RANBP3: variants seen among roughly 807,000 people sequenced by gnomAD.
The protein encoded by RANBP3 is ran-binding protein 3.
In RANBP3, 14 loss-of-function variants were observed where a neutral mutation model predicts 77.3. The ratio of observed to expected loss-of-function variants is 0.18; its 90% confidence interval spans 0.12 to 0.28. RANBP3 has a LOEUF of 0.28. Among genes scored for constraint, RANBP3 ranks in the 10% least tolerant of loss-of-function variants. The probability of loss-of-function intolerance (pLI) is 1.00; values close to 1 mark genes in which losing one functional copy is unlikely to be tolerated. For missense variants in RANBP3, 586 were observed against 752.3 expected (o/e 0.78, Z 2.59); for synonymous variants, 315 against 312.4 (o/e 1.01, Z -0.09).
chr19:5,951,387 A>G lies in RANBP3; in HGVS notation c.282+6T>C. 6.4e-7 allele frequency: 1 copy of G among 1,550,976 alleles called. No homozygotes were observed. The highest frequency in any genetic ancestry group is 8.7e-7 in the Non-Finnish European group (1 of 1,146,872). On this transcript the variant is annotated splice_donor_region_variant and intron_variant, in intron 3 of 16. Coordinates refer to ENST00000340578, the MANE Select transcript of RANBP3 (RefSeq NM_007322.3). ...CGGTAGGAGTGCCGGGTAGGTGTGGACTTACCCCTGCCAGTTCTCGCGGAA... is the reference window on the plus strand; with the variant it reads ...CGGTAGGAGTGCCGGGTAGGTGTGGGCTTACCCCTGCCAGTTCTCGCGGAA...
At chr19:5,929,062 G>A (rs1401618295) in intron 8 of RANBP3, among the ~76,000 whole-genome samples, 2 of 152,182 alleles carry the variant, frequency 1.3e-5, no homozygotes, top group Non-Finnish European at 2.9e-5. Context: ...CTGGCTCAGC[G>A]TGTCCAGCGG....
rs1466832988 is a variant in RANBP3, at chr19:5,958,667, G to C, written c.23-694C>G. On this transcript the variant is annotated intron_variant, in intron 1 of 16. Coordinates refer to ENST00000340578, the MANE Select transcript of RANBP3 (RefSeq NM_007322.3). The surrounding 1 kb of genome is among the most constrained non-coding windows in gnomAD (Gnocchi z 4.4). ...CACAGCCCTGTGCCACTCAGCCCCG[G>C]AGTGGGTGGCAGCCCAGGAGGCCCT... Among the ~76,000 whole-genome samples, 1 of 152,226 alleles carries C rather than the reference G, an allele frequency of 6.6e-6. No individual in the cohort carries two copies. The highest frequency in any genetic ancestry group is 1.5e-5 in the Non-Finnish European group (1 of 68,040).
chr19:5,941,906 G>A (rs1041163569), intron 3 of RANBP3, 71 bp from the exon 4 acceptor site: 49 of 1,560,880 alleles, frequency 3.1e-5, no homozygotes, highest in Admixed American at 1.2e-4. Context: ...TCTCGGGGCC[G>A]TAACAAATAT....
At chr19:5,975,050 C>T (rs1264256401) in intron 1 of RANBP3, among the ~76,000 whole-genome samples, 11 of 152,224 alleles carry the variant, frequency 7.2e-5, no homozygotes, top group South Asian at 4.1e-4. Context: ...AGAACAAACA[C>T]GTGACCATGG....
chr19:5,962,708 G>A lies in RANBP3; in HGVS notation c.23-4735C>T, dbSNP rs1421671518. On this transcript the variant is annotated intron_variant, in intron 1 of 16. Transcript: ENST00000340578. ...GTAGAAATGAGCTTTAGTCACATCT[G>A]CACCCAAAACACAGAGCGTCAGTTA... is the stretch of plus-strand genomic sequence containing the variant. 6.6e-6 allele frequency: 3 copies of A among 456,040 alleles called. No homozygotes were observed. The Admixed American group carries it at 7.0e-5, about 11-fold the overall frequency. The allele number at this position is 456,040 out of a possible 1,614,324, so 28.2% of individuals were successfully genotyped here.
chr19:5,925,246 G>T (rs141415749), intron 10 of RANBP3: 202 of 475,208 alleles, frequency 4.3e-4, no homozygotes, highest in African/African-American at 3.6e-3. Flanking sequence ...TGTCAGTCAA[G>T]GACATGATGA....
chr19:5,945,344 T>C (rs2058190574), intron 3 of RANBP3, among the ~76,000 whole-genome samples: 1 of 152,248 alleles, frequency 6.6e-6, no homozygotes. Context: ...TCTAGGTTAA[T>C]TTCCACATGT....
chr19:5,953,741 G>C (rs2058301934), intron 2 of RANBP3, among the ~76,000 whole-genome samples: 1 of 152,146 alleles, frequency 6.6e-6, no homozygotes, highest in Admixed American at 6.5e-5. Flanking sequence ...TTTTGCCCCG[G>C]AAACAATGGT....
intron 9 of RANBP3, among the ~76,000 whole-genome samples, 199 bp from the exon 10 acceptor site, chr19:5,925,936 T>C (rs562166301): frequency 1.3e-5 from 2 of 152,224 alleles, no homozygotes; most frequent in East Asian, 1.9e-4. Flanking sequence ...CTTTAACAGT[T>C]AGGATGGAAA....
rs2057882393 is a variant in RANBP3 at position 5,924,963 on chromosome 19, T to C, written c.918-58A>G. ...TCACGTGGGAACGTGGCCAGGCAAATGTATGGGTACCCATGGAGCACACAC... is the reference window on the plus strand; with the variant it reads ...TCACGTGGGAACGTGGCCAGGCAAACGTATGGGTACCCATGGAGCACACAC... On this transcript the variant is annotated intron_variant, in intron 10 of 16. Transcript: ENST00000340578. The surrounding 1 kb of genome is among the most constrained non-coding windows in gnomAD (Gnocchi z 4.7). 1 of 1,471,338 alleles carries C rather than the reference T, an allele frequency of 6.8e-7. No homozygotes were observed. The highest frequency in any genetic ancestry group is 9.5e-7 in the Non-Finnish European group (1 of 1,050,508). The allele number at this position is 1,471,338 out of a possible 1,614,324, so 91.1% of individuals were successfully genotyped here.
chr19:5,943,359 A>C (rs907280573), intron 3 of RANBP3, among the ~76,000 whole-genome samples: 8 of 152,230 alleles, frequency 5.3e-5, no homozygotes, highest in African/African-American at 1.9e-4. Flanking sequence ...ACAGGAGCCA[A>C]GGCAGACCCC....
In RANBP3 at chr19:5,918,478, C is replaced by T. The variant is rs776813344; in HGVS notation, c.1473+18G>A. The T allele has an allele frequency of 1.8e-5, 29 of 1,597,106 alleles. No homozygotes were observed. In the South Asian group the frequency reaches 2.9e-4, roughly 16 times the overall value. On this transcript the variant is annotated intron_variant, in intron 15 of 16. Transcript: ENST00000340578. ...GGCAGGATGAGGGGTCCCAGATGCA[C>T]CCGCGTGGCTGGCTCACCGAGATCA...
intron 3 of RANBP3, among the ~76,000 whole-genome samples, chr19:5,949,850 C>G (rs1484831857): frequency 6.6e-6 from 1 of 152,184 alleles, no homozygotes; most frequent in East Asian, 1.9e-4. Flanking sequence ...ACGCAGGGCA[C>G]AGAACAGCGC....
intron 1 of RANBP3, chr19:5,974,558 G>A (rs1343733015): frequency 6.6e-6 from 1 of 152,114 alleles, no homozygotes; most frequent in Non-Finnish European, 1.5e-5. Flanking sequence ...CACTCAGGTG[G>A]ACTTTAAAAG....
chr19:5,928,104 C>T lies in RANBP3; in HGVS notation c.694-17G>A, dbSNP rs1422315365. ...CTCTTTCTCCTATCAAAAACCAAAA[C>T]AAAACAGAGTAATCAAAACCAGTGC... is the stretch of plus-strand genomic sequence containing the variant. On this transcript the variant is annotated splice_polypyrimidine_tract_variant and intron_variant, in intron 8 of 16. Coordinates refer to ENST00000340578, the MANE Select transcript of RANBP3 (RefSeq NM_007322.3). 1.1e-5 allele frequency: 18 copies of T among 1,605,156 alleles called. No homozygotes were observed. Among genetic ancestry groups the T allele is most frequent in the Non-Finnish European group, 1.4e-5 (17 of 1,177,222 alleles).
intron 1 of RANBP3, among the ~76,000 whole-genome samples, chr19:5,962,165 T>C (rs964365585): frequency 6.6e-6 from 1 of 151,880 alleles, no homozygotes; most frequent in African/African-American, 2.4e-5. Context: ...AACTAGGCCC[T>C]CTCTCTGTCA....
At chr19:5,950,891 A>G (rs1401380895) in intron 3 of RANBP3, 2 of 161,810 alleles carry the variant, frequency 1.2e-5, no homozygotes, top group Admixed American at 1.1e-4. Flanking sequence ...ATTGAAGACA[A>G]TCAGTTCACT....
In RANBP3 at chr19:5,957,930, A is replaced by C; in HGVS notation, c.66T>G (p.Asp22Glu). ...ACCGGCCCCTTACCTTTTGTCCTTT[A>C]TCCTTCTGAAACACAAAGACGGGCG... ...IAPPVFVFQK[D>E]KGQKSPAEQK... Residue 22 changes from aspartate (D) to glutamate (E), a missense_variant, in exon 2 of 17, where the codon GAT becomes GAG. By Grantham distance (45) the Asp-to-Glu change is conservative. Coordinates refer to ENST00000340578, the MANE Select transcript of RANBP3 (RefSeq NM_007322.3). The C allele has an allele frequency of 1.2e-6, 2 of 1,614,202 alleles. No homozygotes were observed. Among genetic ancestry groups the C allele is most frequent in the African/African-American group, 2.7e-5 (2 of 75,046 alleles).
intron 2 of RANBP3, among the ~76,000 whole-genome samples, chr19:5,956,090 G>T (rs1281548132): frequency 1.3e-5 from 2 of 152,144 alleles, no homozygotes; most frequent in Non-Finnish European, 2.9e-5. Context: ...CTAGGCCAAA[G>T]AGTGAGGCTC....
Sources: gnomAD v4.1 joint callset for allele counts (sites outside exome capture counted in the v4.1 genomes callset) on GRCh38, gnomAD v4.1.1 for gene constraint, Gnocchi (gnomAD v3.1) non-coding constraint, MANE v1.5 for transcripts, NCBI Gene and HGNC (gene_info 2026-07-23, HGNC 2026-07-21) for gene names.